CTNNA2: variants seen among roughly 807,000 people sequenced by gnomAD.
CTNNA2 encodes catenin alpha-2.
CTNNA2 carries 42 observed loss-of-function variants against 101.0 expected under a neutral mutation model. That is an observed-to-expected ratio of 0.42 (90% CI 0.32 to 0.54). CTNNA2 has a LOEUF of 0.54. CTNNA2 is among the 20% of genes least tolerant of loss of function. The probability of loss-of-function intolerance (pLI) is 0.14; values close to 1 mark genes in which losing one functional copy is unlikely to be tolerated. For missense variants in CTNNA2, 871 were observed against 1,223.1 expected (o/e 0.71, Z 4.29); for synonymous variants, 450 against 456.4 (o/e 0.99, Z 0.18).
chr2:80,075,716 A>ATTTT, intron 7 of CTNNA2, among the ~76,000 whole-genome samples: 1 of 88,062 alleles, frequency 1.1e-5, no homozygotes, highest in Non-Finnish European at 2.2e-5. Context: ...ATATTATAAA[A>ATTTT]ATAATATTTA....
intron 9 of CTNNA2, among the ~76,000 whole-genome samples, chr2:80,469,454 G>A (rs144445002): frequency 0.016 from 2,370 of 152,290 alleles, 32 homozygotes; most frequent in Non-Finnish European, 0.024. Flanking sequence ...CAGATATTAC[G>A]GAGTTTACTG....
chr2:80,009,726 C>CTGTGTGTGTGTGTG (rs57813087), intron 7 of CTNNA2, among the ~76,000 whole-genome samples: 2 of 147,798 alleles, frequency 1.4e-5, no homozygotes. Context: ...TGGTGTGTGT[C>CTGTGTGTGTGTGTG]TGTGTGTGTG....
intron 18 of CTNNA2, among the ~76,000 whole-genome samples, chr2:80,646,597 A>T (rs1448099363): frequency 6.6e-6 from 1 of 151,882 alleles, no homozygotes; most frequent in Non-Finnish European, 1.5e-5. Context: ...TAACCCCAGC[A>T]TCTGTGATGC....
At chr2:80,376,137 GA>G (rs1268613527) in intron 7 of CTNNA2, among the ~76,000 whole-genome samples, 1 of 151,614 alleles carries the variant, frequency 6.6e-6, no homozygotes, top group African/African-American at 2.4e-5. Context: ...ACCATTATTT[GA>G]TTTTTTTTCC....
chr2:80,533,565 C>T (rs189765073), intron 9 of CTNNA2, among the ~76,000 whole-genome samples: 20 of 152,264 alleles, frequency 1.3e-4, no homozygotes, highest in Admixed American at 9.2e-4. Context: ...ATTCTGGAAA[C>T]GTTCCTTGGC....
At chr2:79,494,254 C>T (rs1671232809) in intron 4 of CTNNA2, among the ~76,000 whole-genome samples, 1 of 145,610 alleles carries the variant, frequency 6.9e-6, no homozygotes, top group African/African-American at 2.6e-5. Context: ...AAATCAAATC[C>T]TTTAAAAATT....
At chr2:80,096,301 T>C (rs540453628) in intron 7 of CTNNA2, among the ~76,000 whole-genome samples, 5 of 152,240 alleles carry the variant, frequency 3.3e-5, no homozygotes, top group Non-Finnish European at 7.3e-5. Context: ...AGTTTCCATG[T>C]AGTTGAGCGG....
chr2:79,623,257 G>C (rs896227083), intron 1 of CTNNA2, among the ~76,000 whole-genome samples: 2 of 152,168 alleles, frequency 1.3e-5, no homozygotes, highest in African/African-American at 4.8e-5. Flanking sequence ...ATGGTAGGAA[G>C]AAATTTGTGC....
chr2:79,909,606 C>T lies in CTNNA2; in HGVS notation c.865C>T (p.Leu289=), dbSNP rs751491676. Residue 289 remains leucine (L), a synonymous_variant, in exon 7 of 19, where the codon CTG becomes TTG. Coordinates refer to ENST00000402739, the MANE Select transcript of CTNNA2 (RefSeq NM_001282597.3). The part of the protein sequence containing the change: ...ALNEFDNKII[L]DPMTFSEARF... ...GTGATACTTTCAGAATAAGATTATCCTGGACCCCATGACGTTCAGCGAGGC... is the reference window on the plus strand; with the variant it reads ...GTGATACTTTCAGAATAAGATTATCTTGGACCCCATGACGTTCAGCGAGGC... 1.9e-6 allele frequency: 3 copies of T among 1,610,834 alleles called. No homozygotes were observed. Among genetic ancestry groups the T allele is most frequent in the Non-Finnish European group, 2.5e-6 (3 of 1,177,618 alleles).
At chr2:79,946,641 A>T (rs1688511662) in intron 7 of CTNNA2, among the ~76,000 whole-genome samples, 1 of 152,222 alleles carries the variant, frequency 6.6e-6, no homozygotes, top group Non-Finnish European at 1.5e-5. Flanking sequence ...AGAGGAAATC[A>T]TATGAAAGAG....
chr2:80,216,021 A>G (rs1241411337), intron 7 of CTNNA2, among the ~76,000 whole-genome samples: 2 of 152,198 alleles, frequency 1.3e-5, no homozygotes, highest in African/African-American at 4.8e-5. Flanking sequence ...CTGCTGTGCT[A>G]GCAGTGAGCG....
intron 2 of CTNNA2, among the ~76,000 whole-genome samples, chr2:79,723,314 GA>G (rs1686606519): frequency 6.6e-6 from 1 of 152,192 alleles, no homozygotes; most frequent in Non-Finnish European, 1.5e-5. Context: ...TTGTGAAGAG[GA>G]ACTTTTCAGT....
intron 2 of CTNNA2, among the ~76,000 whole-genome samples, chr2:79,729,110 A>C (rs548547883): frequency 6.9e-4 from 105 of 152,258 alleles, no homozygotes; most frequent in African/African-American, 2.4e-3. Flanking sequence ...GATAATTTTT[A>C]ATTTATAGCT....
At chr2:79,290,204 T>C (rs767449943) in intron 2 of CTNNA2, among the ~76,000 whole-genome samples, 7 of 152,194 alleles carry the variant, frequency 4.6e-5, no homozygotes, top group African/African-American at 1.4e-4. Flanking sequence ...TTAACATTCA[T>C]TGGACTGGTC....
At chr2:79,406,462 C>A (rs1678343057) in intron 4 of CTNNA2, among the ~76,000 whole-genome samples, 1 of 152,010 alleles carries the variant, frequency 6.6e-6, no homozygotes, top group Admixed American at 6.6e-5. Flanking sequence ...TATGGACCAC[C>A]TCACTCTGGA....
intron 7 of CTNNA2, among the ~76,000 whole-genome samples, chr2:80,217,274 C>T (rs921982899): frequency 7.2e-5 from 11 of 152,046 alleles, no homozygotes; most frequent in Non-Finnish European, 1.3e-4. Flanking sequence ...ACTTCAGATG[C>T]CCATTTTTAC....
chr2:79,340,180 G>C (rs1393307783), intron 3 of CTNNA2: 1 of 152,134 alleles, frequency 6.6e-6, no homozygotes, highest in African/African-American at 2.4e-5. Context: ...TGTTTATCAT[G>C]AGTAGATGCT....
chr2:79,314,588 G>T (rs1342338379), intron 3 of CTNNA2, among the ~76,000 whole-genome samples: 2 of 152,168 alleles, frequency 1.3e-5, no homozygotes, highest in African/African-American at 4.8e-5. Context: ...AATAATTTTA[G>T]GCATCTTTCC....
intron 7 of CTNNA2, among the ~76,000 whole-genome samples, chr2:80,097,241 T>G (rs916190132): frequency 6.6e-5 from 10 of 152,114 alleles, no homozygotes; most frequent in African/African-American, 1.2e-4. Context: ...GTCTGTGAAG[T>G]ATTTTATTTC....
Sources: gnomAD v4.1 joint callset for allele counts (sites outside exome capture counted in the v4.1 genomes callset) on GRCh38, gnomAD v4.1.1 for gene constraint, MANE v1.5 for transcripts, NCBI Gene and HGNC (gene_info 2026-07-23, HGNC 2026-07-21) for gene names.